Variants in SZT2 observed in about 807,000 individuals in gnomAD.
SZT2 encodes the protein KICSTOR complex protein SZT2.
Under a neutral mutation model 404.2 loss-of-function variants are expected in SZT2, and 216 were observed. The ratio of observed to expected loss-of-function variants is 0.53; its 90% confidence interval spans 0.48 to 0.60. SZT2 has a LOEUF of 0.60. Ranked by LOEUF, SZT2 falls within the 20% of genes least tolerant of loss-of-function variation. The pLI, the probability that SZT2 is intolerant of heterozygous loss-of-function variation, is 0.00. For synonymous variants in SZT2, 1,693 were observed against 1,749.9 expected, an observed-to-expected ratio of 0.97 and a Z score of 0.81; for missense variants, 3,857 against 4,459.2, an observed-to-expected ratio of 0.86 and a Z score of 3.85.
chr1:43,442,587 G>C lies in SZT2; in HGVS notation c.8120G>C (p.Gly2707Ala). Residue 2707 changes from glycine to alanine, a missense_variant, in exon 58 of 72, where the codon GGC (glycine) becomes GCC (alanine). This residue lies in a region of SZT2 where 573 missense variants were observed against 592.4 expected (regional missense o/e 0.97). Coordinates refer to ENST00000634258, the MANE Select transcript of SZT2 (RefSeq NM_001365999.1). This position sits in a 1 kb window ranked among gnomAD's most constrained non-coding sequence, Gnocchi z 4.5. ...SQKLGLFHHY[G>A]QLDFPVRDEK... is the part of the protein sequence containing the mutation. The stretch of plus-strand genomic sequence containing the variant: ...AAGCTTGGCCTCTTCCATCATTATG[G>C]CCAGTTGGACTTCCCCGTGCGAGAT... 1.2e-6 allele frequency: 2 copies of C among 1,611,208 alleles called. No homozygotes were observed. The highest frequency in any genetic ancestry group is 1.7e-6 in the Non-Finnish European group (2 of 1,178,058).
intron 12 of SZT2, 91 bp downstream of exon 12, chr1:43,422,316 C>G: frequency 6.7e-7 from 1 of 1,500,736 alleles, no homozygotes; most frequent in Non-Finnish European, 8.9e-7. Flanking sequence ...CAGATGAGCT[C>G]TTACCAACTG....
chr1:43,442,257 C>A lies in SZT2; in HGVS notation c.7874-11C>A, dbSNP rs375638487. On this transcript the variant is annotated splice_polypyrimidine_tract_variant and intron_variant, in intron 56 of 71. Coordinates refer to ENST00000634258, the MANE Select transcript of SZT2 (RefSeq NM_001365999.1). This position sits in a 1 kb window ranked among gnomAD's most constrained non-coding sequence, Gnocchi z 4.5. ...CCCAGGCCCCTATTGTGCCCCTCCC[C>A]CACCCTGTAGCTGCCAAAGCCATGC... is the stretch of plus-strand genomic sequence containing the variant. 9.3e-6 allele frequency: 15 copies of A among 1,611,034 alleles called. No individual in the cohort carries two copies. The African/African-American group carries it at 1.2e-4, about 13-fold the overall frequency.
chr1:43,407,509 C>T (rs1282957059), intron 4 of SZT2, among the ~76,000 whole-genome samples: 1 of 151,218 alleles, frequency 6.6e-6, no homozygotes, highest in African/African-American at 2.4e-5. Flanking sequence ...GAGTGAGACT[C>T]TGTCTCCAAA....
In SZT2 at chr1:43,451,897, C is replaced by T. The variant is rs1570761607; in HGVS notation, c.*1417C>T. 6.2e-7 allele frequency: 1 copy of T among 1,613,712 alleles called. No homozygotes were observed. The highest frequency in any genetic ancestry group is 2.2e-5 in the East Asian group (1 of 44,864). ...CCGTGAGCCTCAAGAGCACAGGAAT[C>T]AAAAGGGACAGAAGGAGAGACAGGG... On this transcript the variant is annotated 3_prime_UTR_variant, in exon 72 of 72. Transcript: ENST00000634258.
At position 43,442,218 on chromosome 1, in the gene SZT2, A is replaced by G; in HGVS notation, c.7874-50A>G. 1 of 1,602,552 alleles carries G rather than the reference A, an allele frequency of 6.2e-7. No homozygotes were observed. Among genetic ancestry groups the G allele is most frequent in the Non-Finnish European group, 8.5e-7 (1 of 1,173,952 alleles). On this transcript the variant is annotated intron_variant, in intron 56 of 71. Coordinates refer to ENST00000634258, the MANE Select transcript of SZT2 (RefSeq NM_001365999.1). The surrounding 1 kb of genome is among the most constrained non-coding windows in gnomAD (Gnocchi z 4.5). ...ACCTTGCAGAGGGGAGGGTGGGATC[A>G]AGGGGGATCTGTTCCCAGGCCCCTA... is the stretch of plus-strand genomic sequence containing the variant.
In SZT2 at chr1:43,445,926, G is replaced by T; in HGVS notation, c.8858G>T (p.Gly2953Val). ...CGGCCACGGGCCATGGCTATCCTTG[G>T]AACAGAGGGTCGAGGCTCCTTCTCC... is the stretch of plus-strand genomic sequence containing the variant. ...TSRPRAMAIL[G>V]TEGRGSFSCP... The change falls in exon 63 of 72, where the codon GGA becomes GTA. Residue 2953 changes from glycine (G) to valine (V), a missense_variant. Gly to Val is a moderately radical substitution (Grantham distance 109). Transcript: ENST00000634258. The T allele has an allele frequency of 6.2e-7, 1 of 1,614,222 alleles. No homozygotes were observed. Among genetic ancestry groups the T allele is most frequent in the South Asian group, 1.1e-5 (1 of 91,082 alleles).
In SZT2 at chr1:43,425,306, C is replaced by T. The variant is rs1653005586; in HGVS notation, c.2645+99C>T. ...CCCATATCCTGAGATGATCTTGATC[C>T]CAAAGTCAGGGAGGGGGTGCGGTGT... On this transcript the variant is annotated intron_variant, in intron 18 of 71. Transcript: ENST00000634258. The surrounding 1 kb of genome is among the most constrained non-coding windows in gnomAD (Gnocchi z 4.3). 6.5e-7 allele frequency: 1 copy of T among 1,536,100 alleles called. No individual in the cohort carries two copies. The highest frequency in any genetic ancestry group is 1.4e-5 in the African/African-American group (1 of 73,320).
rs1280663889 is a variant in SZT2, at chr1:43,453,622, G to A, written c.*3142G>A. 4.0e-6 allele frequency: 6 copies of A among 1,495,940 alleles called. No individual in the cohort carries two copies. The highest frequency in any genetic ancestry group is 4.6e-5 in the Admixed American group (2 of 43,346). 92.7% of individuals were successfully genotyped at this position (1,495,940 alleles called of 1,614,324 possible). ...GGGGGCGTGTTGATCAGTACAAGCCGCAGCCCCGCTTCTCGCGCGGCGCGC... is the reference window on the plus strand; with the variant it reads ...GGGGGCGTGTTGATCAGTACAAGCCACAGCCCCGCTTCTCGCGCGGCGCGC... On this transcript the variant is annotated 3_prime_UTR_variant, in exon 72 of 72. Transcript: ENST00000634258.
rs749374596 is a variant in SZT2 at position 43,439,763 on chromosome 1, T to C, written c.7036T>C (p.Ser2346Pro). ...VIRCPVVVDS[S>P]SAQNGAPRLR... Reference sequence around the variant, plus strand: ...CCGCTGCCCGGTTGTTGTGGACAGTTCTTCAGGTGGGACAGCTTGGTCAGA... The same window carrying C: ...CCGCTGCCCGGTTGTTGTGGACAGTCCTTCAGGTGGGACAGCTTGGTCAGA... The change falls in exon 50 of 72, where the codon TCT (serine) becomes CCT (proline). Residue 2346 changes from serine to proline, a missense_variant. By Grantham distance (74) the Ser-to-Pro change is moderately conservative (BLOSUM62 -1). Around this residue, in one of 7 missense-constraint regions of SZT2, gnomAD observed 573 missense variants for 592.4 expected, o/e 0.97. Coordinates refer to ENST00000634258, the MANE Select transcript of SZT2 (RefSeq NM_001365999.1). This position sits in a 1 kb window ranked among gnomAD's most constrained non-coding sequence, Gnocchi z 4.2. 39 of 1,587,968 alleles carry C rather than the reference T, an allele frequency of 2.5e-5. No individual in the cohort carries two copies. Among genetic ancestry groups the C allele is most frequent in the Non-Finnish European group, 3.0e-5 (35 of 1,165,728 alleles).
Position 43,422,882 on chromosome 1 carries a change from A to G in SZT2, c.2036A>G (p.Lys679Arg). Reference protein sequence around the residue: ...PIGTPAPARHKIVSGLREEIL... With the variant: ...PIGTPAPARHRIVSGLREEIL... ...GGCACACCAGCACCGGCCCGGCACA[A>G]GGTAAGCTGGGCCCTGACTGACTCT... is the stretch of plus-strand genomic sequence containing the variant. The change falls in exon 14 of 72, where the codon AAG (lysine) becomes AGG (arginine). Residue 679 changes from lysine (K) to arginine (R), a missense_variant and splice_region_variant. By Grantham distance (26) the Lys-to-Arg change is conservative. Around this residue, in one of 7 missense-constraint regions of SZT2, gnomAD observed 1,725 missense variants for 1,881.0 expected, o/e 0.92. Coordinates refer to ENST00000634258, the MANE Select transcript of SZT2 (RefSeq NM_001365999.1). 1 of 1,579,550 alleles carries G rather than the reference A, an allele frequency of 6.3e-7. No individual in the cohort carries two copies. The highest frequency in any genetic ancestry group is 8.5e-7 in the Non-Finnish European group (1 of 1,170,336).
chr1:43,403,265 T>G lies in SZT2; in HGVS notation c.116T>G (p.Leu39Arg). 1 of 1,614,030 alleles carries G rather than the reference T, an allele frequency of 6.2e-7. No individual in the cohort carries two copies. The highest frequency in any genetic ancestry group is 8.5e-7 in the Non-Finnish European group (1 of 1,180,042). The change falls in exon 2 of 72, where the codon CTG (leucine) becomes CGG (arginine). Residue 39 changes from leucine (L) to arginine (R), a missense_variant. By Grantham distance (102) the Leu-to-Arg change is moderately radical. Transcript: ENST00000634258. ...CGCCTGGCTTGGTTCCTCAGTCATC[T>G]GCACCAAACTGTGCAGGCCACACCC... ...NVRLAWFLSH[L>R]HQTVQATPQE...
chr1:43,436,269 G>A (rs547574558), intron 42 of SZT2: 1 of 152,314 alleles, frequency 6.6e-6, no homozygotes, highest in East Asian at 1.9e-4. Context: ...CCAGGAGAAT[G>A]CATCTCTCAG....
At chr1:43,415,381 A>C (rs1651583108) in intron 5 of SZT2, among the ~76,000 whole-genome samples, 168 bp downstream of exon 5, 1 of 152,224 alleles carries the variant, frequency 6.6e-6, no homozygotes, top group African/African-American at 2.4e-5. Context: ...AGCAGGACTC[A>C]GATATACTCC....
At chr1:43,435,787 T>A (rs2782647) in intron 42 of SZT2, 1 of 153,862 alleles carries the variant, frequency 6.5e-6, no homozygotes, top group African/African-American at 2.4e-5. Context: ...AGAGGAGAGA[T>A]CACTGAAGGG....
intron 1 of SZT2, among the ~76,000 whole-genome samples, chr1:43,400,490 ACTT>A (rs757940780): frequency 1.3e-5 from 2 of 152,152 alleles, no homozygotes; most frequent in Non-Finnish European, 2.9e-5. Flanking sequence ...TACACTTACT[ACTT>A]ACGTTGAATC....
chr1:43,428,222 C>T lies in SZT2; in HGVS notation c.3920-18C>T, dbSNP rs1411635385. 1.2e-6 allele frequency: 2 copies of T among 1,613,948 alleles called. No individual in the cohort carries two copies. The highest frequency in any genetic ancestry group is 2.2e-5 in the East Asian group (1 of 44,892). On this transcript the variant is annotated intron_variant, in intron 27 of 71. Coordinates refer to ENST00000634258, the MANE Select transcript of SZT2 (RefSeq NM_001365999.1). ...CATTCCAGAGCTCAAGCCTCATGGC[C>T]CCTTCCACTTCCATCAGGGCTATTC...
At chr1:43,415,745 C>T (rs1040464004) in intron 5 of SZT2, among the ~76,000 whole-genome samples, 3 of 152,236 alleles carry the variant, frequency 2.0e-5, no homozygotes, top group Non-Finnish European at 4.4e-5. Flanking sequence ...GAAGCTTCAT[C>T]TGATGCCGAA....
At chr1:43,418,595 T>G (rs1651968284) in intron 7 of SZT2, among the ~76,000 whole-genome samples, 1 of 152,200 alleles carries the variant, frequency 6.6e-6, no homozygotes, top group Non-Finnish European at 1.5e-5. Flanking sequence ...TGTTTTGATG[T>G]GGTGCCAACC....
intron 4 of SZT2, among the ~76,000 whole-genome samples, chr1:43,411,580 C>A (rs1221518218): frequency 6.6e-6 from 1 of 152,188 alleles, no homozygotes; most frequent in African/African-American, 2.4e-5. Context: ...ACCAGAAGAA[C>A]AGTTTCTCTG....
Sources: gnomAD v4.1 joint callset for allele counts (sites outside exome capture counted in the v4.1 genomes callset) on GRCh38, gnomAD v4.1.1 for gene constraint, gnomAD v4.1.1 regional missense constraint, Gnocchi (gnomAD v3.1) non-coding constraint, MANE v1.5 for transcripts, NCBI Gene and HGNC (gene_info 2026-07-23, HGNC 2026-07-21) for gene names.